Variants in TPP2 observed in about 807,000 individuals in gnomAD.
TPP2 encodes the protein tripeptidyl peptidase 2, also known as tripeptidyl-peptidase 2.
A neutral mutation model predicts 155.9 loss-of-function variants in TPP2; 34 were observed. That is an observed-to-expected ratio of 0.22 (90% CI 0.17 to 0.29). The LOEUF (loss-of-function observed/expected upper bound fraction) is 0.29. Ranked by LOEUF, TPP2 falls within the 10% of genes least tolerant of loss-of-function variation. The pLI, the probability that TPP2 is intolerant of heterozygous loss-of-function variation, is 1.00. For missense variants in TPP2, 1,028 were observed against 1,522.3 expected, an observed-to-expected ratio of 0.68 and a Z score of 5.40; for synonymous variants, 510 against 529.4, an observed-to-expected ratio of 0.96 and a Z score of 0.50.
chr13:102,600,395 T>TC (rs1263233214), intron 1 of TPP2, among the ~76,000 whole-genome samples: 2 of 146,328 alleles, frequency 1.4e-5, no homozygotes, highest in Non-Finnish European at 3.0e-5. Flanking sequence ...GCGCGCCCCC[T>TC]CCCCCCACCA....
chr13:102,636,988 C>T lies in TPP2; in HGVS notation c.1679-94C>T, dbSNP rs2274463. ...GGATGCATTTTACAGCCAACCAAACCAAGTCGCTAAATTTTTTTGGAAAGA... is the reference window on the plus strand; with the variant it reads ...GGATGCATTTTACAGCCAACCAAACTAAGTCGCTAAATTTTTTTGGAAAGA... On this transcript the variant is annotated intron_variant, in intron 13 of 29. Transcript: ENST00000376052. 0.48 allele frequency: 650,873 copies of T among 1,356,338 alleles called. 158,002 individuals carry two copies. Among genetic ancestry groups the T allele is most frequent in the African/African-American group, 0.6 (40,827 of 67,994 alleles). 84.0% of individuals were successfully genotyped at this position (1,356,338 alleles called of 1,614,324 possible).
chr13:102,664,084 T>C (rs1465633361), intron 26 of TPP2, among the ~76,000 whole-genome samples: 1 of 152,248 alleles, frequency 6.6e-6, no homozygotes, highest in Non-Finnish European at 1.5e-5. Context: ...GAATTCCTAC[T>C]TTGCATTAAC....
chr13:102,634,187 G>A, intron 11 of TPP2, 89 bp downstream of exon 11: 3 of 1,544,696 alleles, frequency 1.9e-6, no homozygotes, highest in Middle Eastern at 1.7e-4. Flanking sequence ...TGGTAGAATT[G>A]ATAATTCCCT....
intron 27 of TPP2, chr13:102,667,859 G>A (rs1172497008): frequency 2.1e-5 from 21 of 979,302 alleles, no homozygotes; most frequent in South Asian, 1.4e-4. Flanking sequence ...GCCGAGCGAC[G>A]GATGAAAGGA....
At chr13:102,643,893 A>G (rs680840) in intron 17 of TPP2, among the ~76,000 whole-genome samples, 75,377 of 151,958 alleles carry the variant, frequency 0.5, 19,089 homozygotes, top group African/African-American at 0.6. Context: ...TCTTCCTTCA[A>G]TGCGCTCCTT....
intron 29 of TPP2, among the ~76,000 whole-genome samples, chr13:102,676,921 A>G (rs534904665): frequency 3.3e-5 from 5 of 152,324 alleles, no homozygotes; most frequent in Admixed American, 6.5e-5. Context: ...TTTCTACAGA[A>G]GTTACTTTAG....
At chr13:102,661,512 G>C (rs191195126) in intron 25 of TPP2, among the ~76,000 whole-genome samples, 3 of 151,736 alleles carry the variant, frequency 2.0e-5, no homozygotes, top group African/African-American at 7.3e-5. Flanking sequence ...CATAGTGTTG[G>C]GATTACAGGC....
At chr13:102,631,126 G>T (rs534458703) in intron 10 of TPP2, among the ~76,000 whole-genome samples, 1 of 152,292 alleles carries the variant, frequency 6.6e-6, no homozygotes, top group South Asian at 2.1e-4. Flanking sequence ...TCAGTGTAAA[G>T]TTTTTTGAGG....
At chr13:102,658,479 G>A (rs956235644) in intron 25 of TPP2, among the ~76,000 whole-genome samples, 2 of 152,204 alleles carry the variant, frequency 1.3e-5, no homozygotes, top group African/African-American at 4.8e-5. Flanking sequence ...TGCAGAGATT[G>A]TCTTCTGGCA....
intron 25 of TPP2, among the ~76,000 whole-genome samples, 184 bp downstream of exon 25, chr13:102,657,391 A>T (rs1467544068): frequency 1.3e-5 from 2 of 151,704 alleles, no homozygotes; most frequent in Non-Finnish European, 2.9e-5. Context: ...ATAAATATAT[A>T]ATTTTGTGAT....
At chr13:102,615,473 A>G (rs1367752529) in intron 3 of TPP2, among the ~76,000 whole-genome samples, 1 of 152,232 alleles carries the variant, frequency 6.6e-6, no homozygotes, top group African/African-American at 2.4e-5. Flanking sequence ...TATTAAATGT[A>G]ATCAGCTGTG....
chr13:102,604,894 T>G lies in TPP2; in HGVS notation c.267T>G (p.Ile89Met). 6.2e-7 allele frequency: 1 copy of G among 1,614,014 alleles called. No individual in the cohort carries two copies. The highest frequency in any genetic ancestry group is 8.5e-7 in the Non-Finnish European group (1 of 1,179,998). The stretch of plus-strand genomic sequence containing the variant: ...AAGTAGAGCCAAAGGATGGTGAGAT[T>G]GTTGGCCTTTCAGGAAGAGTGCTTA... ...ATEVEPKDGE[I>M]VGLSGRVLKI... The change falls in exon 2 of 30, where the codon ATT (isoleucine) becomes ATG (methionine). Residue 89 changes from isoleucine to methionine, a missense_variant. Coordinates refer to ENST00000376052, the MANE Select transcript of TPP2 (RefSeq NM_001330588.2).
chr13:102,638,408 G>T, intron 15 of TPP2, 93 bp downstream of exon 15: 1 of 1,328,856 alleles, frequency 7.5e-7, no homozygotes, highest in South Asian at 1.2e-5. Context: ...CACTAATACA[G>T]AACCAGGTAA....
chr13:102,625,224 G>A (rs1881513526), intron 6 of TPP2, among the ~76,000 whole-genome samples: 2 of 144,540 alleles, frequency 1.4e-5, no homozygotes, highest in African/African-American at 5.2e-5. Context: ...GAGTGCAGTG[G>A]CGCGATCTCG....
At chr13:102,677,375 C>G (rs1021044101) in intron 29 of TPP2, among the ~76,000 whole-genome samples, 1 of 152,098 alleles carries the variant, frequency 6.6e-6, no homozygotes, top group Non-Finnish European at 1.5e-5. Flanking sequence ...CACTCTGCCC[C>G]CCCCGCTGCC....
chr13:102,670,700 T>C (rs1326293933), intron 27 of TPP2, among the ~76,000 whole-genome samples: 2 of 152,150 alleles, frequency 1.3e-5, no homozygotes, highest in Non-Finnish European at 2.9e-5. Flanking sequence ...TAGAAACAGG[T>C]TTTGTAATGT....
chr13:102,636,142 A>G, intron 12 of TPP2, 82 bp from the exon 13 acceptor site: 1 of 1,384,916 alleles, frequency 7.2e-7, no homozygotes, highest in Non-Finnish European at 9.7e-7. Context: ...TTTACAACTG[A>G]AATCAAATTG....
intron 4 of TPP2, among the ~76,000 whole-genome samples, chr13:102,617,102 G>A (rs1239042098): frequency 6.6e-6 from 1 of 151,398 alleles, no homozygotes; most frequent in Non-Finnish European, 1.5e-5. Flanking sequence ...TTTTAGTAGA[G>A]ACAGGGTTTC....
chr13:102,603,964 T>C (rs1180448676), intron 1 of TPP2, among the ~76,000 whole-genome samples: 3 of 152,136 alleles, frequency 2.0e-5, no homozygotes, highest in African/African-American at 7.2e-5. Flanking sequence ...TGAGCTCTCT[T>C]CTAGACAAAG....
Sources: allele counts gnomAD v4.1 joint callset (sites outside exome capture counted in the v4.1 genomes callset), GRCh38; gene constraint gnomAD v4.1.1; transcripts MANE v1.5; gene names NCBI Gene and HGNC (gene_info 2026-07-23, HGNC 2026-07-21).